The following FBXO41 variants were observed in gnomAD, a reference collection of about 807,000 sequenced individuals.
The protein encoded by FBXO41 is F-box protein 41.
A neutral mutation model predicts 81.6 loss-of-function variants in FBXO41; 33 were observed. The ratio of observed to expected loss-of-function variants is 0.40; its 90% CI spans 0.31 to 0.54. The LOEUF (loss-of-function observed/expected upper bound fraction) is 0.54, where lower values mean the gene tolerates loss of function less well. FBXO41 is among the 20% of genes least tolerant of loss of function. The pLI, the probability that FBXO41 is intolerant of heterozygous loss-of-function variation, is 0.39. For missense variants in FBXO41, 1,107 were observed against 1,236.0 expected (o/e 0.90, Z 1.56); for synonymous variants, 576 against 552.7 (o/e 1.04, Z -0.59).
chr2:73,260,945 T>C lies in FBXO41; in HGVS notation c.2172-87A>G. 2 of 1,136,756 alleles carry C rather than the reference T, an allele frequency of 1.8e-6. No homozygotes were observed. The highest frequency in any genetic ancestry group is 2.5e-6 in the Non-Finnish European group (2 of 800,680). The allele number at this position is 1,136,756 out of a possible 1,614,324, so 70.4% of individuals were successfully genotyped here. Reference sequence around the variant, plus strand: ...TCCTCCTGTGGGACCCCTCCCTGACTCAGGCAAGCATTCCTCCAACAACCC... The same window carrying C: ...TCCTCCTGTGGGACCCCTCCCTGACCCAGGCAAGCATTCCTCCAACAACCC... On this transcript the variant is annotated intron_variant, in intron 9 of 12. Transcript: ENST00000520530. The surrounding 1 kb of genome is among the most constrained non-coding windows in gnomAD (Gnocchi z 5.0).
At chr2:73,267,290 T>G (rs557551362) in intron 2 of FBXO41, among the ~76,000 whole-genome samples, 1 of 151,980 alleles carries the variant, frequency 6.6e-6, no homozygotes, top group East Asian at 1.9e-4. Flanking sequence ...CAAAGAACCA[T>G]TGAGGCACAG....
At position 73,254,894 on chromosome 2, in the gene FBXO41, C is replaced by T. The variant is rs1044611628; in HGVS notation, c.*4088G>A. The T allele has an allele frequency of 1.3e-5, 2 of 152,630 alleles. No individual in the cohort carries two copies. Among genetic ancestry groups the T allele is most frequent in the Non-Finnish European group, 2.9e-5 (2 of 68,060 alleles). 9.5% of individuals were successfully genotyped at this position (152,630 alleles called of 1,614,324 possible). The stretch of plus-strand genomic sequence containing the variant: ...CCCCTGGGGGCTGGAGGTACAGGCA[C>T]CACTTCAGAAACAAAAATAAAACCA... On this transcript the variant is annotated 3_prime_UTR_variant, in exon 13 of 13. Coordinates refer to ENST00000520530, the MANE Select transcript of FBXO41 (RefSeq NM_001371389.2).
rs1688300687 is a variant in FBXO41 at position 73,266,947 on chromosome 2, T to C, written c.906-265A>G. On this transcript the variant is annotated intron_variant, in intron 2 of 12. Transcript: ENST00000520530. This position sits in a 1 kb window ranked among gnomAD's most constrained non-coding sequence, Gnocchi z 5.3. ...CTCTCCACAGAAATACTGCACACCC[T>C]GCTCTCCACAGAAATAATCAGGCAT... is the stretch of plus-strand genomic sequence containing the variant. The C allele has an allele frequency of 4.4e-6, 2 of 458,554 alleles. No homozygotes were observed. Among genetic ancestry groups the C allele is most frequent in the South Asian group, 4.7e-5 (1 of 21,410 alleles). 28.4% of individuals were successfully genotyped at this position (458,554 alleles called of 1,614,324 possible).
intron 1 of FBXO41, among the ~76,000 whole-genome samples, chr2:73,277,743 T>C (rs1214847085): frequency 6.6e-6 from 1 of 152,234 alleles, no homozygotes; most frequent in Non-Finnish European, 1.5e-5. Context: ...TCCTGTTTCC[T>C]GTCACATTCT....
In FBXO41 at chr2:73,265,530, C is replaced by T. The variant is rs1373704950; in HGVS notation, c.1316G>A (p.Gly439Asp). 14 of 1,594,798 alleles carry T rather than the reference C, an allele frequency of 8.8e-6. No individual in the cohort carries two copies. The highest frequency in any genetic ancestry group is 1.2e-5 in the Non-Finnish European group (14 of 1,172,266). Residue 439 changes from glycine to aspartate, a missense_variant, in exon 5 of 13, where the codon GGC becomes GAC. Gly to Asp is a moderately conservative substitution (Grantham distance 94). Around this residue, in one of 2 missense-constraint regions of FBXO41, gnomAD observed 771 missense variants for 789.2 expected, o/e 0.98. Coordinates refer to ENST00000520530, the MANE Select transcript of FBXO41 (RefSeq NM_001371389.2). The stretch of plus-strand genomic sequence containing the variant: ...GGCAGCCTGGGCCCGTGTGCCCAAG[C>T]CCCCAGGGCCACTGTCCTCAGGGGC... ...EGAPEDSGPG[G>D]LGTRAQAANG...
In FBXO41 at chr2:73,258,647, G is replaced by A. The variant is rs1687900643; in HGVS notation, c.*335C>T. ...AGAGGCCAGCCAGAACAGCTGAGGAGCCACTGGGTGGTTATTGCAGATCCT... is the reference window on the plus strand; with the variant it reads ...AGAGGCCAGCCAGAACAGCTGAGGAACCACTGGGTGGTTATTGCAGATCCT... On this transcript the variant is annotated 3_prime_UTR_variant, in exon 13 of 13. Transcript: ENST00000520530. 1.3e-5 allele frequency: 4 copies of A among 306,086 alleles called. No homozygotes were observed. The Admixed American group carries it at 1.8e-4, about 14-fold the overall frequency. 19.0% of individuals were successfully genotyped at this position (306,086 alleles called of 1,614,324 possible). A position where few individuals can be genotyped will look rare whatever the true frequency, so the allele number is the denominator to read the frequency against.
Position 73,284,172 on chromosome 2 carries a change from G to A in FBXO41, c.-151C>T, listed in dbSNP as rs1204151196. On this transcript the variant is annotated 5_prime_UTR_variant, in exon 1 of 13. Coordinates refer to ENST00000520530, the MANE Select transcript of FBXO41 (RefSeq NM_001371389.2). This position sits in a 1 kb window ranked among gnomAD's most constrained non-coding sequence, Gnocchi z 7.4. ...GACTCGCCCTTACCTCCTCCACCCC[G>A]CGGCGAGGCCAGGCCCAGCGGCCCA... 1 of 152,406 alleles carries A rather than the reference G, an allele frequency of 6.6e-6. No homozygotes were observed. The highest frequency in any genetic ancestry group is 6.5e-5 in the Admixed American group (1 of 15,288). 9.4% of individuals were successfully genotyped at this position (152,406 alleles called of 1,614,324 possible). A position where few individuals can be genotyped will look rare whatever the true frequency, so the allele number is the denominator to read the frequency against.
In FBXO41 at chr2:73,263,391, T is replaced by C. The variant is rs115957913; in HGVS notation, c.2076-83A>G. The stretch of plus-strand genomic sequence containing the variant: ...ACACTTTGGGAGGTCAAGGCCGAGG[T>C]TGGGGATCGCCTGAGCCCAGGATTC... On this transcript the variant is annotated intron_variant, in intron 8 of 12. Transcript: ENST00000520530. 2,414 of 1,109,548 alleles carry C rather than the reference T, an allele frequency of 2.2e-3. 26 individuals are homozygous for C. In the African/African-American group the frequency reaches 0.033, roughly 15 times the overall value. The allele number at this position is 1,109,548 out of a possible 1,614,324, so 68.7% of individuals were successfully genotyped here. A position where few individuals can be genotyped will look rare whatever the true frequency, so the allele number is the denominator to read the frequency against.
At chr2:73,274,186 G>T (rs1049779663) in intron 1 of FBXO41, among the ~76,000 whole-genome samples, 15 of 152,182 alleles carry the variant, frequency 9.9e-5, no homozygotes, top group African/African-American at 3.6e-4. Context: ...TCAGCTTCAC[G>T]ATCTGGCCCC....
chr2:73,264,363 T>A lies in FBXO41; in HGVS notation c.1721A>T (p.Glu574Val). The change falls in exon 6 of 13, where the codon GAG becomes GTG. Residue 574 changes from glutamate (E) to valine (V), a missense_variant. Glu to Val is a moderately radical substitution (Grantham distance 121, BLOSUM62 -2). This residue lies in a region of FBXO41 where 336 missense variants were observed against 446.7 expected (regional missense o/e 0.75). Coordinates refer to ENST00000520530, the MANE Select transcript of FBXO41 (RefSeq NM_001371389.2). ...LDTRTLLHAA[E>V]VCRDWRFVAR... ...CACGAAGCGCCAGTCCCGGCAGACC[T>A]CGGCAGCATGCAGCAGTGTGCGCGT... is the stretch of plus-strand genomic sequence containing the variant. 1 of 1,613,712 alleles carries A rather than the reference T, an allele frequency of 6.2e-7. No individual in the cohort carries two copies. Among genetic ancestry groups the A allele is most frequent in the Middle Eastern group, 1.6e-4 (1 of 6,062 alleles).
At chr2:73,275,147 C>T (rs1371504460) in intron 1 of FBXO41, among the ~76,000 whole-genome samples, 3 of 152,110 alleles carry the variant, frequency 2.0e-5, no homozygotes, top group Non-Finnish European at 4.4e-5. Flanking sequence ...CCTCAGCCTC[C>T]CAAAGTGCTG....
intron 9 of FBXO41, among the ~76,000 whole-genome samples, chr2:73,262,739 C>CTATTTATTTATTTATT (rs770741983): frequency 2.6e-5 from 4 of 151,966 alleles, no homozygotes; most frequent in African/African-American, 7.3e-5. Flanking sequence ...TTTTATTTAT[C>CTATTTATTTATTTATT]TATTTATTTA....
Position 73,269,273 on chromosome 2 carries a change from C to G in FBXO41, c.358G>C (p.Gly120Arg). 6.5e-7 allele frequency: 1 copy of G among 1,530,648 alleles called. No individual in the cohort carries two copies. Among genetic ancestry groups the G allele is most frequent in the Non-Finnish European group, 8.8e-7 (1 of 1,138,962 alleles). 94.8% of individuals were successfully genotyped at this position (1,530,648 alleles called of 1,614,324 possible). A position where few individuals can be genotyped will look rare whatever the true frequency, so the allele number is the denominator to read the frequency against. ...HHHAPLAHFP[G>R]DLVPASLPCE... ...GGCAGGCTAGCGGGCACCAGGTCGC[C>G]GGGGAAGTGGGCGAGGGGAGCGTGG... Residue 120 changes from glycine to arginine, a missense_variant, in exon 2 of 13, where the codon GGC becomes CGC. Physicochemically the swap from Gly to Arg is moderately radical, Grantham distance 125. This residue lies in a region of FBXO41 where 771 missense variants were observed against 789.2 expected (regional missense o/e 0.98). Transcript: ENST00000520530. This position sits in a 1 kb window ranked among gnomAD's most constrained non-coding sequence, Gnocchi z 7.0.
intron 1 of FBXO41, among the ~76,000 whole-genome samples, chr2:73,277,600 G>T (rs938641754): frequency 7.9e-5 from 12 of 151,582 alleles, no homozygotes; most frequent in Admixed American, 5.9e-4. Flanking sequence ...CCTCATCAAG[G>T]TTTTCTTTGG....
chr2:73,271,597 G>C (rs1173938726), intron 1 of FBXO41: 1 of 146,560 alleles, frequency 6.8e-6, no homozygotes, highest in African/African-American at 2.6e-5. Flanking sequence ...GGCCTGTTCA[G>C]TTACACAAGC....
Position 73,255,214 on chromosome 2 carries a change from C to T in FBXO41, c.*3768G>A, listed in dbSNP as rs1687762507. On this transcript the variant is annotated 3_prime_UTR_variant, in exon 13 of 13. Coordinates refer to ENST00000520530, the MANE Select transcript of FBXO41 (RefSeq NM_001371389.2). The stretch of plus-strand genomic sequence containing the variant: ...GGCAGTGGCAGAGGAGGCTTGGCCT[C>T]ACGGTGGGGAGCCTGCCTGATTGTC... The T allele has an allele frequency of 6.5e-6, 1 of 152,710 alleles. No homozygotes were observed. Among genetic ancestry groups the T allele is most frequent in the African/African-American group, 2.4e-5 (1 of 41,476 alleles). The allele number at this position is 152,710 out of a possible 1,614,324, so 9.5% of individuals were successfully genotyped here.
rs951894714 is a variant in FBXO41 at position 73,257,038 on chromosome 2, G to A, written c.*1944C>T. 1.3e-5 allele frequency: 2 copies of A among 153,076 alleles called. No individual in the cohort carries two copies. Among genetic ancestry groups the A allele is most frequent in the African/African-American group, 4.8e-5 (2 of 41,446 alleles). 9.5% of individuals were successfully genotyped at this position (153,076 alleles called of 1,614,324 possible). A position where few individuals can be genotyped will look rare whatever the true frequency, so the allele number is the denominator to read the frequency against. ...CTACAGGGTGCAGTTGGCAAGGCAG[G>A]ACCAAGAAATCCAAGGCAGCCAGGC... is the stretch of plus-strand genomic sequence containing the variant. On this transcript the variant is annotated 3_prime_UTR_variant, in exon 13 of 13. Transcript: ENST00000520530. The surrounding 1 kb of genome is among the most constrained non-coding windows in gnomAD (Gnocchi z 4.6).
intron 1 of FBXO41, among the ~76,000 whole-genome samples, chr2:73,279,546 GGA>G (rs972669338): frequency 6.6e-6 from 1 of 152,092 alleles, no homozygotes; most frequent in Non-Finnish European, 1.5e-5. Context: ...GGAATGTTAG[GGA>G]AGAGAGGATG....
rs1381029728 is a variant in FBXO41, at chr2:73,260,962, C to A, written c.2172-104G>T. On this transcript the variant is annotated intron_variant, in intron 9 of 12. Transcript: ENST00000520530. The surrounding 1 kb of genome is among the most constrained non-coding windows in gnomAD (Gnocchi z 5.0). ...TCCCTGACTCAGGCAAGCATTCCTC[C>A]AACAACCCAGCAGGTCAAGTCAGAG... 5.5e-6 allele frequency: 5 copies of A among 916,322 alleles called. No homozygotes were observed. The highest frequency in any genetic ancestry group is 6.6e-6 in the Non-Finnish European group (4 of 606,394). 56.8% of individuals were successfully genotyped at this position (916,322 alleles called of 1,614,324 possible).
Sources: allele counts gnomAD v4.1 joint callset (sites outside exome capture counted in the v4.1 genomes callset), GRCh38; gene constraint gnomAD v4.1.1; regional missense constraint gnomAD v4.1.1; non-coding constraint Gnocchi (gnomAD v3.1); transcripts MANE v1.5; gene names NCBI Gene and HGNC (gene_info 2026-07-23, HGNC 2026-07-21).